Variants in STK33 observed in about 807,000 individuals in gnomAD.
STK33 encodes serine/threonine-protein kinase 33.
A neutral mutation model predicts 58.0 loss-of-function variants in STK33; 52 were observed. The ratio of observed to expected loss-of-function variants is 0.90; its 90% confidence interval spans 0.72 to 1.13. STK33 has a LOEUF of 1.13. Ranked by LOEUF, STK33 falls within the 50% of genes most tolerant of loss-of-function variation. STK33 has a pLI of 0.00. For synonymous variants in STK33, 215 were observed against 200.1 expected (o/e 1.07, Z -0.63); for missense variants, 630 against 604.2 (o/e 1.04, Z -0.45).
At chr11:8,474,068 A>G (rs146122274) in intron 5 of STK33, among the ~76,000 whole-genome samples, 2 of 152,154 alleles carry the variant, frequency 1.3e-5, no homozygotes, top group East Asian at 1.9e-4. Context: ...TCAGCTACTC[A>G]GGAGGTTGAG....
At chr11:8,427,680 A>G (rs564924214) in intron 14 of STK33, among the ~76,000 whole-genome samples, 3 of 152,130 alleles carry the variant, frequency 2.0e-5, no homozygotes, top group Non-Finnish European at 4.4e-5. Flanking sequence ...AAGTTCTACA[A>G]TCTGATCATC....
chr11:8,412,100 A>G lies in STK33; in HGVS notation c.1344+1395T>C, dbSNP rs549371873. Among the ~76,000 whole-genome samples the G allele has an allele frequency of 2.0e-5, 3 of 152,308 alleles. No individual in the cohort carries two copies. In the South Asian group the frequency reaches 6.2e-4, roughly 32 times the overall value. On this transcript the variant is annotated intron_variant, in intron 15 of 15. Coordinates refer to ENST00000687296, the MANE Select transcript of STK33 (RefSeq NM_001352389.2). The stretch of plus-strand genomic sequence containing the variant: ...CCACAAAACGTGTGTATAATTGTAC[A>G]TATGTGAGTATATGTAGATGTATGT...
At chr11:8,470,633 C>T (rs879324310) in intron 6 of STK33, among the ~76,000 whole-genome samples, 5 of 152,130 alleles carry the variant, frequency 3.3e-5, no homozygotes, top group Admixed American at 6.6e-5. Flanking sequence ...TTCTGGCTTT[C>T]GATTTAAAGT....
chr11:8,379,494 G>A, the STK33 span, among the ~76,000 whole-genome samples: 1 of 151,942 alleles, frequency 6.6e-6, no homozygotes, highest in Admixed American at 6.5e-5. Flanking sequence ...GACATGAACA[G>A]ACATTTCTCA....
At chr11:8,548,271 A>AATACAAAAACATTAAATC (rs1199514990) in intron 1 of STK33, among the ~76,000 whole-genome samples, 23 of 151,780 alleles carry the variant, frequency 1.5e-4, no homozygotes, top group Admixed American at 8.5e-4. Context: ...TAATGCATTT[A>AATACAAAAACATTAAATC]TTTTGTTTTT....
chr11:8,388,472 G>A (rs908503266), downstream of STK33, among the ~76,000 whole-genome samples: 8 of 152,236 alleles, frequency 5.3e-5, no homozygotes, highest in African/African-American at 1.7e-4. Context: ...ATCAAAATCG[G>A]TTCTCAGCCA....
At chr11:8,389,634 G>A (rs892405256), downstream of STK33, among the ~76,000 whole-genome samples, 11 of 152,178 alleles carry the variant, frequency 7.2e-5, no homozygotes, top group Admixed American at 5.2e-4. Context: ...TTCCAACAGC[G>A]CGGCTGGAAT....
intron 1 of STK33, among the ~76,000 whole-genome samples, chr11:8,557,057 C>T (rs1386578719): frequency 6.6e-6 from 1 of 151,564 alleles, no homozygotes; most frequent in Non-Finnish European, 1.5e-5. Flanking sequence ...TCAAGACCAG[C>T]CTGGGCAACA....
intron 14 of STK33, among the ~76,000 whole-genome samples, chr11:8,429,086 C>T (rs904624022): frequency 2.0e-5 from 3 of 151,950 alleles, no homozygotes; most frequent in Non-Finnish European, 4.4e-5. Flanking sequence ...AATAGAGACA[C>T]AAATTCAAAG....
intron 14 of STK33, among the ~76,000 whole-genome samples, chr11:8,431,359 T>G (rs1282734265): frequency 6.6e-6 from 1 of 152,060 alleles, no homozygotes; most frequent in African/African-American, 2.4e-5. Context: ...TCCTCTTATA[T>G]AGAGTATATA....
At chr11:8,581,294 A>G (rs575229476) in intron 1 of STK33, among the ~76,000 whole-genome samples, 6 of 152,162 alleles carry the variant, frequency 3.9e-5, no homozygotes, top group Non-Finnish European at 8.8e-5. Context: ...TTGGAAATGT[A>G]TATTTCTGCA....
intron 1 of STK33, among the ~76,000 whole-genome samples, chr11:8,492,627 A>C (rs1950714926): frequency 1.3e-5 from 2 of 152,196 alleles, no homozygotes; most frequent in African/African-American, 4.8e-5. Context: ...TCTCCACCCC[A>C]AATCAACAGA....
At chr11:8,548,548 C>T (rs772365192) in intron 1 of STK33, among the ~76,000 whole-genome samples, 1 of 152,120 alleles carries the variant, frequency 6.6e-6, no homozygotes, top group Non-Finnish European at 1.5e-5. Context: ...GTGTGATGCC[C>T]TCAACTGTGT....
At chr11:8,544,374 A>G (rs948080401) in intron 1 of STK33, among the ~76,000 whole-genome samples, 1 of 148,420 alleles carries the variant, frequency 6.7e-6, no homozygotes, top group Admixed American at 6.7e-5. Flanking sequence ...ATACATGTAT[A>G]TATATTCCAT....
At chr11:8,516,744 T>C (rs1046507982) in intron 1 of STK33, among the ~76,000 whole-genome samples, 5 of 152,090 alleles carry the variant, frequency 3.3e-5, no homozygotes, top group Admixed American at 3.3e-4. Flanking sequence ...GCTAGCACAG[T>C]GGTCTGAGAT....
intron 11 of STK33, among the ~76,000 whole-genome samples, chr11:8,444,330 C>T (rs763461397): frequency 6.6e-6 from 1 of 152,120 alleles, no homozygotes; most frequent in Non-Finnish European, 1.5e-5. Context: ...TAAACACTTC[C>T]TATCACCCTT....
intron 15 of STK33, among the ~76,000 whole-genome samples, chr11:8,406,142 CAAAAAA>C (rs59336494): frequency 2.1e-5 from 2 of 94,702 alleles, no homozygotes; most frequent in Admixed American, 1.3e-4. Flanking sequence ...GACTCCGTCT[CAAAAAA>C]AAAAAAAAAA....
intron 1 of STK33, among the ~76,000 whole-genome samples, chr11:8,591,219 T>G (rs1591948854): frequency 1.3e-5 from 2 of 152,308 alleles, no homozygotes; most frequent in Middle Eastern, 6.8e-3. Flanking sequence ...CAAGGACACA[T>G]GAAGAAGACA....
intron 1 of STK33, among the ~76,000 whole-genome samples, chr11:8,534,147 C>T (rs1263618988): frequency 2.0e-5 from 3 of 152,066 alleles, no homozygotes; most frequent in South Asian, 2.1e-4. Context: ...TGGTGGCAGG[C>T]GCCTGTAATC....
Sources: allele counts gnomAD v4.1 joint callset (sites outside exome capture counted in the v4.1 genomes callset), GRCh38; gene constraint gnomAD v4.1.1; transcripts MANE v1.5; gene names NCBI Gene and HGNC (gene_info 2026-07-23, HGNC 2026-07-21).